PDE9A: variants seen among roughly 807,000 people sequenced by gnomAD.
PDE9A encodes the protein phosphodiesterase 9A.
A neutral mutation model predicts 87.4 loss-of-function variants in PDE9A; 60 were observed. The ratio of observed to expected loss-of-function variants is 0.69; its 90% CI spans 0.56 to 0.85. The LOEUF (loss-of-function observed/expected upper bound fraction) is 0.85. Among genes scored for constraint, PDE9A ranks in the 40% least tolerant of loss-of-function variants. The pLI, the probability that PDE9A is intolerant of heterozygous loss-of-function variation, is 0.00. For synonymous variants in PDE9A, 272 were observed against 279.4 expected (o/e 0.97, Z 0.27); for missense variants, 665 against 779.0 (o/e 0.85, Z 1.74).
intron 10 of PDE9A, among the ~76,000 whole-genome samples, chr21:42,755,618 T>C (rs986624399): frequency 6.6e-6 from 1 of 151,554 alleles, no homozygotes; most frequent in Non-Finnish European, 1.5e-5. Flanking sequence ...ATGCAAGGGG[T>C]GAGAGGGAAA....
intron 1 of PDE9A, among the ~76,000 whole-genome samples, chr21:42,664,231 G>A (rs934463982): frequency 2.0e-5 from 3 of 152,220 alleles, no homozygotes; most frequent in African/African-American, 4.8e-5. Context: ...CTTTGTGTTC[G>A]GCTCAGTGGG....
intron 4 of PDE9A, among the ~76,000 whole-genome samples, chr21:42,726,620 A>ATTTTTTTTTTTTTTT (rs1246828424): frequency 4.1e-5 from 1 of 24,236 alleles, no homozygotes; most frequent in African/African-American, 2.4e-4. Context: ...ATATATATAT[A>ATTTTTTTTTTTTTTT]TATATTTTTT....
intron 3 of PDE9A, chr21:42,689,891 A>G (rs62215399): frequency 0.055 from 42,312 of 770,472 alleles, 2,168 homozygotes; most frequent in Admixed American, 0.14. Flanking sequence ...AGACACACGC[A>G]GTTGAGGATA....
chr21:42,752,758 G>A (rs576428472), intron 9 of PDE9A, among the ~76,000 whole-genome samples: 5 of 152,330 alleles, frequency 3.3e-5, no homozygotes, highest in African/African-American at 9.6e-5. Context: ...AAGACAGTGT[G>A]CAATACCAAA....
intron 7 of PDE9A, among the ~76,000 whole-genome samples, chr21:42,737,009 T>G (rs1470821092): frequency 6.6e-6 from 1 of 152,206 alleles, no homozygotes; most frequent in Non-Finnish European, 1.5e-5. Flanking sequence ...AGCCCAGACA[T>G]TTTAGGAAGC....
chr21:42,670,133 A>G (rs1314470587), intron 1 of PDE9A, among the ~76,000 whole-genome samples: 1 of 151,084 alleles, frequency 6.6e-6, no homozygotes, highest in East Asian at 1.9e-4. Context: ...ACAGGCTCAC[A>G]CATGCTTACA....
Position 42,704,628 on chromosome 21 carries a change from A to G in PDE9A, c.262+5617A>G, listed in dbSNP as rs2048669551. ...TGGCCCAAGGTCAGGAGTTAGCTCT[A>G]GCGACGCCGCCCTGAGTTCTGGCCT... On this transcript the variant is annotated intron_variant, in intron 4 of 19. Transcript: ENST00000291539. The surrounding 1 kb of genome is among the most constrained non-coding windows in gnomAD (Gnocchi z 5.3). Among the ~76,000 whole-genome samples the G allele has an allele frequency of 6.6e-6, 1 of 152,198 alleles. No individual in the cohort carries two copies. Among genetic ancestry groups the G allele is most frequent in the Non-Finnish European group, 1.5e-5 (1 of 68,036 alleles).
At chr21:42,697,243 G>A (rs2060191789) in intron 3 of PDE9A, among the ~76,000 whole-genome samples, 1 of 152,008 alleles carries the variant, frequency 6.6e-6, no homozygotes, top group South Asian at 2.1e-4. Flanking sequence ...GGCCCAAAGT[G>A]CAGGGAGGTC....
intron 4 of PDE9A, among the ~76,000 whole-genome samples, chr21:42,720,874 G>C (rs2050441861): frequency 6.6e-6 from 1 of 151,890 alleles, no homozygotes; most frequent in African/African-American, 2.4e-5. Flanking sequence ...GCGTGGTGGT[G>C]CATGTCTGTT....
intron 9 of PDE9A, among the ~76,000 whole-genome samples, chr21:42,751,424 C>G (rs1038615896): frequency 6.6e-6 from 1 of 152,258 alleles, no homozygotes; most frequent in Non-Finnish European, 1.5e-5. Flanking sequence ...AAGGACATAA[C>G]AGCTCCGTGC....
intron 4 of PDE9A, among the ~76,000 whole-genome samples, chr21:42,730,401 T>C (rs9981864): frequency 0.032 from 4,845 of 152,234 alleles, 268 homozygotes; most frequent in African/African-American, 0.11. Context: ...GGTGAAGCAA[T>C]GAGGTGTTGC....
intron 17 of PDE9A, among the ~76,000 whole-genome samples, chr21:42,769,595 G>A (rs1421851884): frequency 2.3e-5 from 3 of 131,870 alleles, no homozygotes; most frequent in Admixed American, 7.5e-5. Context: ...GGTACACACA[G>A]GCACACAAAT....
intron 1 of PDE9A, among the ~76,000 whole-genome samples, chr21:42,661,699 A>C (rs1371219980): frequency 6.6e-6 from 1 of 152,146 alleles, no homozygotes; most frequent in Non-Finnish European, 1.5e-5. Flanking sequence ...TTAGTTCTTC[A>C]GTTTGCAAAG....
intron 1 of PDE9A, among the ~76,000 whole-genome samples, chr21:42,683,882 C>G (rs776990892): frequency 2.0e-5 from 3 of 152,180 alleles, no homozygotes; most frequent in Non-Finnish European, 4.4e-5. Context: ...GCCCTTTGTG[C>G]CCAGGAGGAG....
In PDE9A at chr21:42,660,709, C is replaced by T. The variant is rs1034248031; in HGVS notation, c.69+6826C>T. Among the ~76,000 whole-genome samples, 1 of 152,152 alleles carries T rather than the reference C, an allele frequency of 6.6e-6. No homozygotes were observed. Among genetic ancestry groups the T allele is most frequent in the Non-Finnish European group, 1.5e-5 (1 of 68,028 alleles). ...TCTGCAGGAGTTGGAGGAGCGCATG[C>T]CTGTATTCCTGGCACTGCGGGCACA... On this transcript the variant is annotated intron_variant, in intron 1 of 19. Transcript: ENST00000291539. This position sits in a 1 kb window ranked among gnomAD's most constrained non-coding sequence, Gnocchi z 4.7.
At chr21:42,728,111 A>C (rs1456315137) in intron 4 of PDE9A, among the ~76,000 whole-genome samples, 4 of 152,274 alleles carry the variant, frequency 2.6e-5, no homozygotes, top group Admixed American at 6.5e-5. Context: ...TAAACAGTAC[A>C]GTATAGCAAC....
intron 10 of PDE9A, chr21:42,758,367 G>A (rs199843311): frequency 1.3e-5 from 2 of 152,396 alleles, no homozygotes; most frequent in East Asian, 1.9e-4. Flanking sequence ...AAAAGGGTTA[G>A]GAGGAGCCGC....
intron 14 of PDE9A, among the ~76,000 whole-genome samples, chr21:42,762,828 G>T (rs1209330421): frequency 3.9e-5 from 6 of 152,134 alleles, no homozygotes; most frequent in Non-Finnish European, 8.8e-5. Flanking sequence ...AAATAGCTGG[G>T]ATTACAGGCA....
rs2056934392 is a variant in PDE9A at position 42,654,926 on chromosome 21, C to G, written c.69+1043C>G. 2.0e-5 allele frequency among the ~76,000 whole-genome samples: 3 copies of G among 151,678 alleles called. No homozygotes were observed. In the South Asian group the frequency reaches 6.2e-4, roughly 31 times the overall value. On this transcript the variant is annotated intron_variant, in intron 1 of 19. Transcript: ENST00000291539. ...CATCTTCAAGGACAGGTGGTCACCC[C>G]CTTATTTAATCAGTGCTGGGCAGCT...
Sources: gnomAD v4.1 joint callset for allele counts (sites outside exome capture counted in the v4.1 genomes callset) on GRCh38, gnomAD v4.1.1 for gene constraint, Gnocchi (gnomAD v3.1) non-coding constraint, MANE v1.5 for transcripts, NCBI Gene and HGNC (gene_info 2026-07-23, HGNC 2026-07-21) for gene names.